The following CYP2B6 variants were observed in gnomAD, a reference collection of about 807,000 sequenced individuals.
The protein encoded by CYP2B6 is cytochrome P450 2B6.
Under a neutral mutation model 43.4 loss-of-function variants are expected in CYP2B6, and 35 were observed. The observed-to-expected ratio is 0.81, with a 90% CI of 0.62 to 1.07. The LOEUF is 1.07. CYP2B6 is among the 50% of genes least tolerant of loss of function. The pLI is 0.00. For missense variants in CYP2B6, 624 were observed against 632.8 expected (o/e 0.99, Z 0.15); for synonymous variants, 239 against 239.2 (o/e 1.00, Z 0.01).
chr19:41,012,465 C>T lies in CYP2B6; in HGVS notation c.1132C>T (p.Arg378Ter), dbSNP rs34097093. ...PHIVTQHTSF[R>*]GYIIPKDTEV... is the part of the protein sequence containing the mutation. ...CATTGTCACCCAACACACCAGCTTC[C>T]GAGGGTACATCATCCCCAAGGTAAG... The change falls in exon 7 of 9, where the codon CGA (arginine) becomes TGA (stop). Residue 378 changes from arginine (R) to a stop codon, truncating the protein, a stop_gained. Transcript: ENST00000324071. LOFTEE classifies it high-confidence loss of function. 5.0e-5 allele frequency: 80 copies of T among 1,613,984 alleles called. No individual in the cohort carries two copies. Among genetic ancestry groups the T allele is most frequent in the African/African-American group, 4.3e-4 (32 of 74,910 alleles).
At position 41,014,708 on chromosome 19, in the gene CYP2B6, G is replaced by A. The variant is rs190130873; in HGVS notation, c.1294+1893G>A. Among the ~76,000 whole-genome samples, 141 of 152,128 alleles carry A rather than the reference G, an allele frequency of 9.3e-4. 1 individual carries two copies. The highest frequency in any genetic ancestry group is 3.3e-3 in the African/African-American group (138 of 41,502). Reference sequence around the variant, plus strand: ...AGAAACAGAGTTAGGGACAAAGAGGGAACACATAGAGATAGAGATGGGGAG... The same window carrying A: ...AGAAACAGAGTTAGGGACAAAGAGGAAACACATAGAGATAGAGATGGGGAG... On this transcript the variant is annotated intron_variant, in intron 8 of 8. Coordinates refer to ENST00000324071, the MANE Select transcript of CYP2B6 (RefSeq NM_000767.5).
In CYP2B6 at chr19:41,012,822, T is replaced by C. The variant is rs35010579; in HGVS notation, c.1294+7T>C. 4.6e-4 allele frequency: 741 copies of C among 1,614,152 alleles called. 8 individuals are homozygous for C. The African/African-American group carries it at 9.0e-3, about 20-fold the overall frequency. ...TTTATCCCCTTCTCCTTAGGTAAGC[T>C]GGACCCACAATTTCTTTCCCAGACA... On this transcript the variant is annotated splice_region_variant and intron_variant, in intron 8 of 8. Coordinates refer to ENST00000324071, the MANE Select transcript of CYP2B6 (RefSeq NM_000767.5).
In CYP2B6 at chr19:41,017,327, G is replaced by T. The variant is rs1180587719; in HGVS notation, c.*500G>T. ...CAAAGTGCTGGGATTACAGGCGTGA[G>T]TCACCGTGCCCAGCCATGTATATAT... On this transcript the variant is annotated 3_prime_UTR_variant, in exon 9 of 9. Coordinates refer to ENST00000324071, the MANE Select transcript of CYP2B6 (RefSeq NM_000767.5). 2 of 152,408 alleles carry T rather than the reference G, an allele frequency of 1.3e-5. No individual in the cohort carries two copies. The highest frequency in any genetic ancestry group is 4.8e-5 in the African/African-American group (2 of 41,394). 9.4% of individuals were successfully genotyped at this position (152,408 alleles called of 1,614,324 possible). A position where few individuals can be genotyped will look rare whatever the true frequency, so the allele number is the denominator to read the frequency against.
intron 1 of CYP2B6, among the ~76,000 whole-genome samples, chr19:40,996,271 G>C (rs372178537): frequency 6.6e-6 from 1 of 152,032 alleles, no homozygotes; most frequent in Non-Finnish European, 1.5e-5. Flanking sequence ...CTACTATTAG[G>C]TTATAGTTGA....
intron 8 of CYP2B6, among the ~76,000 whole-genome samples, chr19:41,015,480 T>G (rs988740307): frequency 1.3e-5 from 2 of 152,164 alleles, no homozygotes; most frequent in Non-Finnish European, 2.9e-5. Context: ...GACATGGCCT[T>G]TCCAAGGTTT....
chr19:41,016,541 T>C, intron 8 of CYP2B6, 105 bp from the exon 9 acceptor site: 1 of 1,230,172 alleles, frequency 8.1e-7, no homozygotes, highest in African/African-American at 1.5e-5. Context: ...GCCAGTCTTA[T>C]GCAAATCTGT....
intron 3 of CYP2B6, among the ~76,000 whole-genome samples, 174 bp from the exon 4 acceptor site, chr19:41,006,731 T>G (rs1002266544): frequency 1.1e-4 from 16 of 152,106 alleles, no homozygotes; most frequent in Non-Finnish European, 2.4e-4. Context: ...CTCACATTGT[T>G]GTAGTGAGAG....
rs780229351 is a variant in CYP2B6 at position 41,010,096 on chromosome 19, T to C, written c.925T>C (p.Tyr309His). 1 of 1,613,992 alleles carries C rather than the reference T, an allele frequency of 6.2e-7. No individual in the cohort carries two copies. Among genetic ancestry groups the C allele is most frequent in the East Asian group, 2.2e-5 (1 of 44,864 alleles). Residue 309 changes from tyrosine (Y) to histidine (H), a missense_variant, in exon 6 of 9, where the codon TAC (tyrosine) becomes CAC (histidine). Coordinates refer to ENST00000324071, the MANE Select transcript of CYP2B6 (RefSeq NM_000767.5). Reference sequence around the variant, plus strand: ...TGAGACCACCAGCACCACTCTCCGCTACGGCTTCCTGCTCATGCTCAAATA... The same window carrying C: ...TGAGACCACCAGCACCACTCTCCGCCACGGCTTCCTGCTCATGCTCAAATA... ...GTETTSTTLR[Y>H]GFLLMLKYPH... is the part of the protein sequence containing the mutation.
intron 6 of CYP2B6, among the ~76,000 whole-genome samples, chr19:41,010,402 T>TG (rs1969263402): frequency 6.7e-6 from 1 of 148,964 alleles, no homozygotes; most frequent in African/African-American, 2.5e-5. Flanking sequence ...TTGTTTTTTG[T>TG]TTTTTGGTTT....
intron 6 of CYP2B6, among the ~76,000 whole-genome samples, chr19:41,011,621 A>C (rs188553954): frequency 1.3e-3 from 199 of 152,284 alleles, no homozygotes; most frequent in African/African-American, 4.6e-3. Flanking sequence ...TAGTGTCTCA[A>C]CTATATTATA....
intron 8 of CYP2B6, among the ~76,000 whole-genome samples, chr19:41,015,805 C>CG (rs1363002346): frequency 1.3e-5 from 2 of 148,406 alleles, no homozygotes; most frequent in Non-Finnish European, 3.0e-5. Flanking sequence ...CACACATACC[C>CG]CAGAAACAAA....
chr19:41,015,308 G>A (rs567725661), intron 8 of CYP2B6, among the ~76,000 whole-genome samples: 3 of 152,196 alleles, frequency 2.0e-5, no homozygotes, highest in Non-Finnish European at 4.4e-5. Context: ...GTCACACAAA[G>A]AGTTACAGAA....
In CYP2B6 at chr19:41,004,174, C is replaced by T; in HGVS notation, c.334+11C>T. ...TCTTCCGGGGATATGGTGAGAGCCT[C>T]AGAGGCACTGGGAGGGGGCGGGTGG... On this transcript the variant is annotated intron_variant, in intron 2 of 8. Coordinates refer to ENST00000324071, the MANE Select transcript of CYP2B6 (RefSeq NM_000767.5). The T allele has an allele frequency of 7.5e-7, 1 of 1,335,610 alleles. No homozygotes were observed. The highest frequency in any genetic ancestry group is 1.0e-6 in the Non-Finnish European group (1 of 970,846). 82.7% of individuals were successfully genotyped at this position (1,335,610 alleles called of 1,614,324 possible).
intron 1 of CYP2B6, among the ~76,000 whole-genome samples, chr19:40,993,356 G>A (rs1019437670): frequency 2.6e-5 from 4 of 152,104 alleles, no homozygotes; most frequent in African/African-American, 9.7e-5. Context: ...TGGCTGGGGA[G>A]GCCCCAGGAA....
At chr19:41,015,660 G>T (rs554861087) in intron 8 of CYP2B6, among the ~76,000 whole-genome samples, 2 of 152,010 alleles carry the variant, frequency 1.3e-5, no homozygotes, top group African/African-American at 4.8e-5. Flanking sequence ...TGTCTCATAC[G>T]CATCAGTCCC....
At chr19:41,015,187 G>T (rs1868810227) in intron 8 of CYP2B6, among the ~76,000 whole-genome samples, 1 of 152,076 alleles carries the variant, frequency 6.6e-6, no homozygotes, top group South Asian at 2.1e-4. Flanking sequence ...CAAGCCAAAA[G>T]GGTACTGCAG....
intron 1 of CYP2B6, among the ~76,000 whole-genome samples, chr19:40,994,008 TG>T (rs977796348): frequency 3.9e-5 from 6 of 152,100 alleles, no homozygotes; most frequent in African/African-American, 1.2e-4. Context: ...TTCAATTAGC[TG>T]CAAAATTCAA....
chr19:40,991,696 G>A (rs116548898), intron 1 of CYP2B6, among the ~76,000 whole-genome samples: 2,341 of 152,220 alleles, frequency 0.015, 37 homozygotes, highest in Middle Eastern at 0.034. Context: ...TGACTCATGA[G>A]TTGGACAGCT....
intron 1 of CYP2B6, among the ~76,000 whole-genome samples, chr19:41,003,655 G>A (rs931150674): frequency 6.6e-6 from 1 of 152,080 alleles, no homozygotes. Context: ...TGTCCAACCT[G>A]CCTTATTTTG....
Sources: gnomAD v4.1 joint callset for allele counts (sites outside exome capture counted in the v4.1 genomes callset) on GRCh38, gnomAD v4.1.1 for gene constraint, MANE v1.5 for transcripts, NCBI Gene and HGNC (gene_info 2026-07-23, HGNC 2026-07-21) for gene names.